Variants in IMMP2L observed in about 807,000 individuals in gnomAD.
The protein encoded by IMMP2L is mitochondrial inner membrane protease subunit 2.
Under a neutral mutation model 19.3 loss-of-function variants are expected in IMMP2L, and 18 were observed. The observed-to-expected ratio is 0.93, with a 90% CI of 0.64 to 1.38. IMMP2L has a LOEUF of 1.38. Ranked by LOEUF, IMMP2L falls within the 40% of genes most tolerant of loss-of-function variation. The probability of loss-of-function intolerance (pLI) is 0.00; values close to 1 mark genes in which losing one functional copy is unlikely to be tolerated. For synonymous variants in IMMP2L, 76 were observed against 73.0 expected, an observed-to-expected ratio of 1.04 and a Z score of -0.21; for missense variants, 233 against 218.2, an observed-to-expected ratio of 1.07 and a Z score of -0.43.
chr7:110,842,519 C>T (rs1360487679), intron 5 of IMMP2L, among the ~76,000 whole-genome samples: 1 of 152,194 alleles, frequency 6.6e-6, no homozygotes, highest in Non-Finnish European at 1.5e-5. Context: ...CAAATGCCAT[C>T]TTCCTCAAGC....
At chr7:110,706,489 T>C (rs1794690930) in intron 5 of IMMP2L, among the ~76,000 whole-genome samples, 1 of 152,152 alleles carries the variant, frequency 6.6e-6, no homozygotes. Flanking sequence ...TGTATAAGCA[T>C]TGCCTTTACT....
intron 1 of IMMP2L, among the ~76,000 whole-genome samples, chr7:111,523,877 T>C (rs1336061480): frequency 1.3e-5 from 2 of 152,132 alleles, no homozygotes; most frequent in Non-Finnish European, 2.9e-5. Flanking sequence ...CATTCATTCA[T>C]ACCCAGCTTT....
intron 3 of IMMP2L, among the ~76,000 whole-genome samples, chr7:111,452,930 C>G (rs1347204169): frequency 2.0e-5 from 3 of 152,138 alleles, no homozygotes; most frequent in Non-Finnish European, 4.4e-5. Context: ...GGGCAGGGAT[C>G]TACATCATTT....
At chr7:111,448,916 G>T (rs1335358967) in intron 3 of IMMP2L, among the ~76,000 whole-genome samples, 3 of 142,544 alleles carry the variant, frequency 2.1e-5, no homozygotes, top group Non-Finnish European at 4.6e-5. Context: ...TACCATCAGA[G>T]AATACTACAG....
chr7:110,689,549 T>C (rs1793352603), intron 5 of IMMP2L, among the ~76,000 whole-genome samples: 1 of 152,170 alleles, frequency 6.6e-6, no homozygotes, highest in Non-Finnish European at 1.5e-5. Flanking sequence ...TTTTTCTTTT[T>C]CAAATTTACT....
At chr7:111,342,333 C>T (rs1211792775) in intron 3 of IMMP2L, among the ~76,000 whole-genome samples, 7 of 152,096 alleles carry the variant, frequency 4.6e-5, no homozygotes, top group Admixed American at 2.6e-4. Context: ...GTGGCTCACG[C>T]CTGTAATCCC....
At chr7:111,406,452 C>A (rs1290594266) in intron 3 of IMMP2L, among the ~76,000 whole-genome samples, 2 of 152,050 alleles carry the variant, frequency 1.3e-5, no homozygotes, top group Non-Finnish European at 2.9e-5. Context: ...TTTTACAGAG[C>A]ATCTAGAGTG....
At chr7:111,293,761 A>G (rs556062963) in intron 3 of IMMP2L, among the ~76,000 whole-genome samples, 1 of 152,064 alleles carries the variant, frequency 6.6e-6, no homozygotes, top group East Asian at 1.9e-4. Flanking sequence ...TAAACACCTT[A>G]TACACCTTAT....
chr7:111,417,701 A>G (rs1212923284), intron 3 of IMMP2L, among the ~76,000 whole-genome samples: 1 of 151,926 alleles, frequency 6.6e-6, no homozygotes, highest in South Asian at 2.1e-4. Context: ...AATTCTTCCA[A>G]TAAGGAGACA....
At chr7:111,423,529 G>A (rs1835787527) in intron 3 of IMMP2L, among the ~76,000 whole-genome samples, 1 of 151,774 alleles carries the variant, frequency 6.6e-6, no homozygotes, top group African/African-American at 2.4e-5. Context: ...TTCTCTGATG[G>A]TAGTTTGTAT....
chr7:111,423,802 T>G (rs1473626203), intron 3 of IMMP2L, among the ~76,000 whole-genome samples: 3 of 151,704 alleles, frequency 2.0e-5, no homozygotes, highest in Non-Finnish European at 4.4e-5. Context: ...AAGAAATAAC[T>G]AAGATCAGTG....
intron 5 of IMMP2L, among the ~76,000 whole-genome samples, chr7:110,776,832 C>T (rs1540856): frequency 0.63 from 95,728 of 151,824 alleles, 31,716 homozygotes; most frequent in African/African-American, 0.85. Flanking sequence ...GAAAAGACTA[C>T]TTCTTACTTT....
intron 3 of IMMP2L, among the ~76,000 whole-genome samples, chr7:111,225,368 A>G (rs895286344): frequency 1.3e-5 from 2 of 152,106 alleles, no homozygotes; most frequent in African/African-American, 4.8e-5. Flanking sequence ...AATAAATGGG[A>G]TTTGTTTATG....
chr7:110,678,105 G>T (rs1274802784), intron 5 of IMMP2L, among the ~76,000 whole-genome samples: 1 of 152,134 alleles, frequency 6.6e-6, no homozygotes, highest in Admixed American at 6.6e-5. Flanking sequence ...CAGGTCCACA[G>T]TACCTTACTA....
At chr7:111,551,979 G>T (rs1790719218) in intron 1 of IMMP2L, among the ~76,000 whole-genome samples, 1 of 152,120 alleles carries the variant, frequency 6.6e-6, no homozygotes, top group Non-Finnish European at 1.5e-5. Context: ...TCAAGGAGAT[G>T]CTCTAGAATG....
chr7:111,426,373 G>A (rs1484218860), intron 3 of IMMP2L, among the ~76,000 whole-genome samples: 1 of 150,766 alleles, frequency 6.6e-6, no homozygotes, highest in African/African-American at 2.4e-5. Flanking sequence ...ATAATTAAAG[G>A]TATGTTCGTT....
chr7:110,702,263 C>T (rs548517530), intron 5 of IMMP2L, among the ~76,000 whole-genome samples: 7 of 152,096 alleles, frequency 4.6e-5, no homozygotes, highest in South Asian at 2.1e-4. Flanking sequence ...TCTTGTTGAA[C>T]GGTCGCACTT....
At chr7:110,775,362 A>G (rs1031475509) in intron 5 of IMMP2L, among the ~76,000 whole-genome samples, 1 of 151,746 alleles carries the variant, frequency 6.6e-6, no homozygotes, top group Admixed American at 6.6e-5. Context: ...AGTTGAGTCA[A>G]TTGCTATGGG....
intron 3 of IMMP2L, among the ~76,000 whole-genome samples, chr7:111,401,353 G>A (rs1189840941): frequency 1.3e-5 from 2 of 152,078 alleles, no homozygotes; most frequent in Non-Finnish European, 2.9e-5. Flanking sequence ...CTGCCTCCAA[G>A]GAGTGTATTC....
Sources: allele counts gnomAD v4.1 joint callset (sites outside exome capture counted in the v4.1 genomes callset), GRCh38; gene constraint gnomAD v4.1.1; transcripts MANE v1.5; gene names NCBI Gene and HGNC (gene_info 2026-07-23, HGNC 2026-07-21).